The following SLC11A1 variants were observed in gnomAD, a reference collection of about 807,000 sequenced individuals.
SLC11A1 encodes natural resistance-associated macrophage protein 1.
A neutral mutation model predicts 63.2 loss-of-function variants in SLC11A1; 59 were observed. That is an observed-to-expected ratio of 0.93 (90% confidence interval 0.76 to 1.16). SLC11A1 has a LOEUF of 1.16. Among genes scored for constraint, SLC11A1 ranks in the 50% most tolerant of loss-of-function variants. The pLI, the probability that SLC11A1 is intolerant of heterozygous loss-of-function variation, is 0.00. For synonymous variants in SLC11A1, 305 were observed against 307.8 expected, an observed-to-expected ratio of 0.99 and a Z score of 0.09; for missense variants, 688 against 730.7, an observed-to-expected ratio of 0.94 and a Z score of 0.67.
intron 12 of SLC11A1, 121 bp from the exon 13 acceptor site, chr2:218,393,999 G>T: frequency 1.2e-6 from 1 of 858,846 alleles, no homozygotes; most frequent in Non-Finnish European, 1.8e-6. Flanking sequence ...TAGGCTCAGT[G>T]TGGTTAGGGC....
chr2:218,394,958 T>C lies in SLC11A1; in HGVS notation c.1576T>C (p.Phe526Leu). 1 of 1,613,382 alleles carries C rather than the reference T, an allele frequency of 6.2e-7. No individual in the cohort carries two copies. The highest frequency in any genetic ancestry group is 8.5e-7 in the Non-Finnish European group (1 of 1,179,762). Reference sequence around the variant, plus strand: ...CTGTTGCCTTGCCCACGGAGCCACCTTTCTGGCCCACAGCTCCCACCACCA... The same window carrying C: ...CTGTTGCCTTGCCCACGGAGCCACCCTTCTGGCCCACAGCTCCCACCACCA... Reference protein sequence around the residue: ...WTCCLAHGATFLAHSSHHHFL... With the variant: ...WTCCLAHGATLLAHSSHHHFL... The change falls in exon 15 of 15, where the codon TTT becomes CTT. Residue 526 changes from phenylalanine (F) to leucine (L), a missense_variant. Coordinates refer to ENST00000233202, the MANE Select transcript of SLC11A1 (RefSeq NM_000578.4).
rs77624405 is a variant in SLC11A1, at chr2:218,393,072, G to A, written c.1256G>A (p.Arg419Gln). 1,111 of 1,597,538 alleles carry A rather than the reference G, an allele frequency of 7.0e-4. 11 individuals are homozygous for A. In the East Asian group the frequency reaches 0.02, roughly 29 times the overall value. The change falls in exon 12 of 15, where the codon CGG becomes CAG. Residue 419 changes from arginine to glutamine, a missense_variant. Physicochemically the swap from Arg to Gln is conservative, Grantham distance 43 (BLOSUM62 1). Coordinates refer to ENST00000233202, the MANE Select transcript of SLC11A1 (RefSeq NM_000578.4). ...ILPTVLVAVF[R>Q]DLRDLSGLND... is the part of the protein sequence containing the mutation. ...CCCACCGTGCTCGTGGCTGTCTTCCGGGACCTGAGGGACTTGTCGGGCCTC... is the reference window on the plus strand; with the variant it reads ...CCCACCGTGCTCGTGGCTGTCTTCCAGGACCTGAGGGACTTGTCGGGCCTC...
intron 6 of SLC11A1, 151 bp from the exon 7 acceptor site, chr2:218,387,414 T>C: frequency 1.0e-6 from 1 of 974,006 alleles, no homozygotes; most frequent in East Asian, 2.4e-5. Context: ...TAGCACAGAC[T>C]TCAGAGGGTG....
rs1339449772 is a variant in SLC11A1, at chr2:218,387,818, G to C, written c.658G>C (p.Glu220Gln). ...CCTGCAGTATGTGGTGGCGCGTCCT[G>C]AGCAGGGAGCGCTTCTTCGGGGCCT... ...FGYEYVVARP[E>Q]QGALLRGLFL... The change falls in exon 8 of 15, where the codon GAG becomes CAG. Residue 220 changes from glutamate (E) to glutamine (Q), a missense_variant. By Grantham distance (29) the Glu-to-Gln change is conservative. Coordinates refer to ENST00000233202, the MANE Select transcript of SLC11A1 (RefSeq NM_000578.4). 2 of 1,606,348 alleles carry C rather than the reference G, an allele frequency of 1.2e-6. No individual in the cohort carries two copies. The highest frequency in any genetic ancestry group is 3.4e-4 in the Middle Eastern group (2 of 5,830).
intron 11 of SLC11A1, 151 bp downstream of exon 11, chr2:218,391,646 C>T (rs568890317): frequency 8.6e-5 from 90 of 1,049,314 alleles, no homozygotes; most frequent in Admixed American, 1.2e-4. Context: ...GTTGTTGAGA[C>T]GGAGTCTCGC....
intron 9 of SLC11A1, among the ~76,000 whole-genome samples, chr2:218,390,743 G>A (rs1396509725): frequency 6.6e-6 from 1 of 152,166 alleles, no homozygotes; most frequent in South Asian, 2.1e-4. Context: ...GCAGAGTTGT[G>A]GGAAGTGGAC....
chr2:218,394,919 C>G lies in SLC11A1; in HGVS notation c.1543-6C>G, dbSNP rs371058678. 1.1e-5 allele frequency: 17 copies of G among 1,611,644 alleles called. No homozygotes were observed. In the African/African-American group the frequency reaches 2.0e-4, roughly 19 times the overall value. ...TCTCCCCAATTCATGGTTGCCCCTC[C>G]CCCAGGTCTGGACCTGTTGCCTTGC... On this transcript the variant is annotated splice_polypyrimidine_tract_variant and splice_region_variant and intron_variant, in intron 14 of 14. Transcript: ENST00000233202.
rs776072260 is a variant in SLC11A1 at position 218,395,014 on chromosome 2, G to A, written c.1632G>A (p.Gln544=). ...HFLYGLLEED[Q]KGETSG is the part of the protein sequence containing the mutation. ...TGTATGGGCTCCTTGAAGAGGACCA[G>A]AAAGGGGAGACCTCTGGCTAGGCCC... Residue 544 remains glutamine, a synonymous_variant, in exon 15 of 15, where the codon CAG becomes CAA. Transcript: ENST00000233202. The A allele has an allele frequency of 1.2e-6, 2 of 1,608,330 alleles. No homozygotes were observed. Among genetic ancestry groups the A allele is most frequent in the Admixed American group, 3.4e-5 (2 of 59,518 alleles).
intron 11 of SLC11A1, chr2:218,392,777 T>G (rs1574777720): frequency 2.0e-6 from 1 of 491,802 alleles, no homozygotes; most frequent in East Asian, 3.5e-5. Flanking sequence ...CTGTTTAGTC[T>G]TCAGCAACCA....
At chr2:218,392,754 C>T (rs969554350) in intron 11 of SLC11A1, 32 of 468,336 alleles carry the variant, frequency 6.8e-5, no homozygotes, top group Non-Finnish European at 1.0e-4. Context: ...TAACAGAAGC[C>T]TTTTCCCCAA....
rs1696740041 is a variant in SLC11A1 at position 218,396,057 on chromosome 2, C to A, written c.*1022C>A. 1 of 152,380 alleles carries A rather than the reference C, an allele frequency of 6.6e-6. No homozygotes were observed. Among genetic ancestry groups the A allele is most frequent in the Non-Finnish European group, 1.5e-5 (1 of 68,072 alleles). 9.4% of individuals were successfully genotyped at this position (152,380 alleles called of 1,614,324 possible). A position where few individuals can be genotyped will look rare whatever the true frequency, so the allele number is the denominator to read the frequency against. ...CCGCGACTCCCACGCCGCGCCGTTACCGCTCCCTCTCTGCTGACTGCTCCC... is the reference window on the plus strand; with the variant it reads ...CCGCGACTCCCACGCCGCGCCGTTAACGCTCCCTCTCTGCTGACTGCTCCC... On this transcript the variant is annotated 3_prime_UTR_variant, in exon 15 of 15. Transcript: ENST00000233202.
chr2:218,386,869 T>C (rs1696135414), intron 5 of SLC11A1, 128 bp downstream of exon 5: 2 of 731,190 alleles, frequency 2.7e-6, no homozygotes, highest in South Asian at 1.6e-5. Flanking sequence ...GCTGCTGCCC[T>C]GTTTTCCAGA....
At chr2:218,389,614 G>A (rs899047505) in intron 8 of SLC11A1, among the ~76,000 whole-genome samples, 5 of 152,140 alleles carry the variant, frequency 3.3e-5, no homozygotes, top group Non-Finnish European at 7.3e-5. Flanking sequence ...GTGAAGGAGC[G>A]TGTCAGGACC....
intron 11 of SLC11A1, 100 bp downstream of exon 11, chr2:218,391,595 CTTTCT>C: frequency 7.8e-7 from 1 of 1,288,228 alleles, no homozygotes; most frequent in Non-Finnish European, 1.0e-6. Context: ...CTTTTCTTTT[CTTTCT>C]TTTCTTCCTT....
rs1471605336 is a variant in SLC11A1, at chr2:218,384,422, GT to G, written c.273+58del. The G allele has an allele frequency of 4.0e-5, 62 of 1,553,470 alleles. No individual in the cohort carries two copies. Among genetic ancestry groups the G allele is most frequent in the Non-Finnish European group, 5.4e-5 (62 of 1,138,228 alleles). On this transcript the variant is annotated intron_variant, in intron 3 of 14. Coordinates refer to ENST00000233202, the MANE Select transcript of SLC11A1 (RefSeq NM_000578.4). The surrounding 1 kb of genome is among the most constrained non-coding windows in gnomAD (Gnocchi z 4.0). Reference sequence around the variant, plus strand: ...TTCGAGAGGGAGGTGACCAGGCTAAGTGTTGAAGGCCCCTGCTGGCCATGTT... The same window carrying G: ...TTCGAGAGGGAGGTGACCAGGCTAAGGTTGAAGGCCCCTGCTGGCCATGTT...
chr2:218,389,200 A>C (rs762392304), intron 8 of SLC11A1, among the ~76,000 whole-genome samples: 1 of 152,142 alleles, frequency 6.6e-6, no homozygotes, highest in Non-Finnish European at 1.5e-5. Context: ...TTGGGGAAGT[A>C]GATCAGGGAA....
rs187435203 is a variant in SLC11A1, at chr2:218,385,426, C to T, written c.393+160C>T. 6.5e-5 allele frequency: 67 copies of T among 1,023,770 alleles called. 1 individual carries two copies. The South Asian group carries it at 7.9e-4, about 12-fold the overall frequency. 63.4% of individuals were successfully genotyped at this position (1,023,770 alleles called of 1,614,324 possible). A position where few individuals can be genotyped will look rare whatever the true frequency, so the allele number is the denominator to read the frequency against. On this transcript the variant is annotated intron_variant, in intron 4 of 14. Transcript: ENST00000233202. ...TTGTTTTTCAGTCGGAGTCTCGCTC[C>T]GTCGCCCAGTCAGGAGTGCAATGGT...
chr2:218,386,637 GC>G lies in SLC11A1; in HGVS notation c.400del (p.Arg134AlafsTer6). 1 of 1,612,318 alleles carries G rather than the reference GC, an allele frequency of 6.2e-7. No individual in the cohort carries two copies. The highest frequency in any genetic ancestry group is 8.5e-7 in the Non-Finnish European group (1 of 1,179,058). ...GAAGGATCATCTCCTCCCCATAGGTGCCCCGCACCGTCCTCTGGCTGACCAT... is the reference window on the plus strand; with the variant it reads ...GAAGGATCATCTCCTCCCCATAGGTGCCCGCACCGTCCTCTGGCTGACCAT... ...EVCHLYYPKV[P>X]RTVLWLTIEL... On this transcript the variant is annotated frameshift_variant, in exon 5 of 15. Coordinates refer to ENST00000233202, the MANE Select transcript of SLC11A1 (RefSeq NM_000578.4). LOFTEE classifies it high-confidence loss of function.
chr2:218,395,531 A>G lies in SLC11A1; in HGVS notation c.*496A>G, dbSNP rs1458912117. On this transcript the variant is annotated 3_prime_UTR_variant, in exon 15 of 15. Transcript: ENST00000233202. ...GCCAAGGCTGGAGTGCAGTGGCGCAATCTTAACTCATTGCAACCTCCACCT... is the reference window on the plus strand; with the variant it reads ...GCCAAGGCTGGAGTGCAGTGGCGCAGTCTTAACTCATTGCAACCTCCACCT... 1 of 153,936 alleles carries G rather than the reference A, an allele frequency of 6.5e-6. No individual in the cohort carries two copies. Among genetic ancestry groups the G allele is most frequent in the East Asian group, 1.9e-4 (1 of 5,202 alleles). 9.5% of individuals were successfully genotyped at this position (153,936 alleles called of 1,614,324 possible).
Sources: allele counts gnomAD v4.1 joint callset (sites outside exome capture counted in the v4.1 genomes callset), GRCh38; gene constraint gnomAD v4.1.1; non-coding constraint Gnocchi (gnomAD v3.1); transcripts MANE v1.5; gene names NCBI Gene and HGNC (gene_info 2026-07-23, HGNC 2026-07-21).